Variants in KCNN2 observed in about 807,000 individuals in gnomAD.
The protein encoded by KCNN2 is potassium calcium-activated channel subfamily N member 2.
KCNN2 carries 24 observed loss-of-function variants against 55.5 expected under a neutral mutation model. The observed-to-expected ratio is 0.43, with a 90% confidence interval of 0.31 to 0.61. KCNN2 has a LOEUF of 0.61. KCNN2 is among the 20% of genes least tolerant of loss of function. KCNN2 has a pLI of 0.08. For missense variants in KCNN2, 754 were observed against 853.6 expected, an observed-to-expected ratio of 0.88 and a Z score of 1.45; for synonymous variants, 431 against 336.1, an observed-to-expected ratio of 1.28 and a Z score of -3.09.
At position 114,496,139 on chromosome 5, in the gene KCNN2, G is replaced by A. The variant is rs764858667; in HGVS notation, c.2333G>A (p.Arg778Gln). 2.6e-5 allele frequency: 42 copies of A among 1,613,782 alleles called. No homozygotes were observed. The highest frequency in any genetic ancestry group is 1.5e-4 in the South Asian group (14 of 91,076). ...TCCCGGTCCTCGTCCAGGAGGCGGCGGTCCTCTTCCACAGCACCACCAACT... is the reference window on the plus strand; with the variant it reads ...TCCCGGTCCTCGTCCAGGAGGCGGCAGTCCTCTTCCACAGCACCACCAACT... ...ERSRSSSRRR[R>Q]SSSTAPPTSS... Residue 778 changes from arginine to glutamine, a missense_variant, in exon 8 of 8, where the codon CGG becomes CAG. Physicochemically the swap from Arg to Gln is conservative, Grantham distance 43. Transcript: ENST00000673685.
chr5:114,202,624 T>C (rs1753697924), intron 1 of KCNN2, among the ~76,000 whole-genome samples: 1 of 145,072 alleles, frequency 6.9e-6, no homozygotes, highest in East Asian at 2.0e-4. Flanking sequence ...TCTCGCTCTG[T>C]TGCCCAGGCT....
chr5:114,362,746 C>A lies in KCNN2; in HGVS notation c.607C>A (p.Arg203Ser). 2 of 1,544,344 alleles carry A rather than the reference C, an allele frequency of 1.3e-6. No homozygotes were observed. The highest frequency in any genetic ancestry group is 1.7e-6 in the Non-Finnish European group (2 of 1,152,464). ...CCAGCACCACCAGCCCCAGGCGCGC[C>A]GCGAGAGCAACCCCTTCACCGAAAT... is the stretch of plus-strand genomic sequence containing the variant. ...HHQHHQPQAR[R>S]ESNPFTEIAM... Residue 203 changes from arginine to serine, a missense_variant, in exon 1 of 8, where the codon CGC (arginine) becomes AGC (serine). Physicochemically the swap from Arg to Ser is moderately radical, Grantham distance 110. Transcript: ENST00000673685.
chr5:114,363,330 G>C, intron 1 of KCNN2, 69 bp downstream of exon 1: 1 of 1,463,816 alleles, frequency 6.8e-7, no homozygotes, highest in Non-Finnish European at 9.0e-7. Context: ...GCACTGGCGG[G>C]GACCCTTTGC....
At chr5:114,123,349 T>A (rs1751861596) in intron 1 of KCNN2, among the ~76,000 whole-genome samples, 2 of 111,048 alleles carry the variant, frequency 1.8e-5, no homozygotes, top group East Asian at 2.1e-4. Context: ...TACATTTTCT[T>A]AATTTTTTTT....
At chr5:114,169,262 A>G (rs1752981191) in intron 1 of KCNN2, among the ~76,000 whole-genome samples, 1 of 152,132 alleles carries the variant, frequency 6.6e-6, no homozygotes, top group Admixed American at 6.6e-5. Context: ...ACAAGGAACA[A>G]TGTCAATGTC....
At chr5:114,138,418 TG>T (rs1391771760) in intron 1 of KCNN2, among the ~76,000 whole-genome samples, 1 of 152,172 alleles carries the variant, frequency 6.6e-6, no homozygotes, top group Admixed American at 6.5e-5. Flanking sequence ...ATTAATGAGT[TG>T]TATGATTCTG....
intron 2 of KCNN2, among the ~76,000 whole-genome samples, chr5:114,396,816 G>C (rs1431617909): frequency 6.6e-6 from 1 of 151,962 alleles, no homozygotes; most frequent in African/African-American, 2.4e-5. Context: ...AAGTGCTGGG[G>C]TTACAGGCGT....
chr5:114,234,022 C>G (rs1167030287), intron 2 of KCNN2, among the ~76,000 whole-genome samples: 5 of 149,338 alleles, frequency 3.3e-5, no homozygotes, highest in South Asian at 2.1e-4. Flanking sequence ...TAACTTGGCT[C>G]TAGCTTTTTT....
At chr5:114,256,373 C>T (rs999850404) in intron 2 of KCNN2, among the ~76,000 whole-genome samples, 2 of 152,068 alleles carry the variant, frequency 1.3e-5, no homozygotes, top group Non-Finnish European at 2.9e-5. Flanking sequence ...ATAATGATTG[C>T]TTTTTCTTTG....
chr5:114,221,964 T>C (rs538159556), intron 2 of KCNN2, among the ~76,000 whole-genome samples: 17 of 152,320 alleles, frequency 1.1e-4, no homozygotes, highest in Admixed American at 2.0e-4. Flanking sequence ...TGTTTTCTCA[T>C]TGAAACTGAG....
chr5:114,406,626 C>T (rs1349097767), intron 3 of KCNN2, among the ~76,000 whole-genome samples: 2 of 151,690 alleles, frequency 1.3e-5, no homozygotes, highest in African/African-American at 4.8e-5. Context: ...TAAATTCTCT[C>T]ACATTATATA....
chr5:114,451,639 G>A (rs1168916981), intron 3 of KCNN2, among the ~76,000 whole-genome samples: 1 of 152,180 alleles, frequency 6.6e-6, no homozygotes, highest in Non-Finnish European at 1.5e-5. Context: ...GCTCAAGCCT[G>A]TAATCCCAGC....
Position 114,292,444 on chromosome 5 carries a change from A to G in KCNN2, c.-184-68501A>G, listed in dbSNP as rs538753531. ...GTTTTCCCAGCACCATTTGTTAAAT[A>G]GGGAATCCTTTCCCCATTGCTTGTT... On this transcript the variant is annotated intron_variant, in intron 2 of 10. Coordinates refer to the KCNN2 transcript ENST00000512097. 8.5e-5 allele frequency among the ~76,000 whole-genome samples: 13 copies of G among 152,348 alleles called. No individual in the cohort carries two copies. The East Asian group carries it at 1.7e-3, about 20-fold the overall frequency.
intron 3 of KCNN2, among the ~76,000 whole-genome samples, chr5:114,461,412 C>T (rs1486690789): frequency 6.6e-6 from 1 of 152,138 alleles, no homozygotes; most frequent in East Asian, 1.9e-4. Context: ...TTGCAGGATG[C>T]TCCTAATCAG....
At chr5:114,427,737 G>A (rs1485966943) in intron 3 of KCNN2, among the ~76,000 whole-genome samples, 4 of 152,178 alleles carry the variant, frequency 2.6e-5, no homozygotes, top group African/African-American at 9.7e-5. Context: ...GGAATGCTAA[G>A]GGATAGCCTT....
chr5:114,177,277 A>T (rs1042279204), intron 1 of KCNN2, among the ~76,000 whole-genome samples: 1 of 151,790 alleles, frequency 6.6e-6, no homozygotes, highest in Admixed American at 6.6e-5. Context: ...AGCTGGGACT[A>T]CAGGAGCCCG....
chr5:114,202,022 C>T (rs189099269), intron 1 of KCNN2, among the ~76,000 whole-genome samples: 6 of 152,240 alleles, frequency 3.9e-5, no homozygotes, highest in East Asian at 1.9e-4. Context: ...TCAGTCTCAA[C>T]GACAGCCTGG....
At position 114,493,292 on chromosome 5, in the gene KCNN2, G is replaced by T; in HGVS notation, c.2019-111G>T. On this transcript the variant is annotated intron_variant, in intron 6 of 7. Coordinates refer to ENST00000673685, the MANE Select transcript of KCNN2 (RefSeq NM_021614.4). ...TTTGGACTTACCCCAAATGTTCAAGGCATTATCCATGCAGTTATTTGCTCT... is the reference window on the plus strand; with the variant it reads ...TTTGGACTTACCCCAAATGTTCAAGTCATTATCCATGCAGTTATTTGCTCT... The T allele has an allele frequency of 3.8e-6, 3 of 779,962 alleles. No homozygotes were observed. The Admixed American group carries it at 5.3e-5, about 14-fold the overall frequency. 48.3% of individuals were successfully genotyped at this position (779,962 alleles called of 1,614,324 possible).
intron 4 of KCNN2, among the ~76,000 whole-genome samples, chr5:114,469,563 T>A (rs978290494): frequency 6.6e-6 from 1 of 152,140 alleles, no homozygotes; most frequent in Non-Finnish European, 1.5e-5. Flanking sequence ...TTTCAGAGAG[T>A]AACATATGTT....
Sources: gnomAD v4.1 joint callset for allele counts (sites outside exome capture counted in the v4.1 genomes callset) on GRCh38, gnomAD v4.1.1 for gene constraint, MANE v1.5 for transcripts, NCBI Gene and HGNC (gene_info 2026-07-23, HGNC 2026-07-21) for gene names.